Variants in BAZ2B observed in about 807,000 individuals in gnomAD.
BAZ2B encodes bromodomain adjacent to zinc finger domain 2B.
A neutral mutation model predicts 246.0 loss-of-function variants in BAZ2B; 91 were observed. That is an observed-to-expected ratio of 0.37 (90% CI 0.31 to 0.44). BAZ2B has a LOEUF of 0.44. Ranked by LOEUF, BAZ2B falls within the 20% of genes least tolerant of loss-of-function variation. The pLI, the probability that BAZ2B is intolerant of heterozygous loss-of-function variation, is 1.00. For missense variants in BAZ2B, 2,332 were observed against 2,533.7 expected (o/e 0.92, Z 1.71); for synonymous variants, 855 against 860.0 (o/e 0.99, Z 0.10).
intron 3 of BAZ2B, among the ~76,000 whole-genome samples, chr2:159,467,268 A>G (rs2077184553): frequency 6.6e-6 from 1 of 152,200 alleles, no homozygotes; most frequent in African/African-American, 2.4e-5. Flanking sequence ...ATCCAGCTCG[A>G]TATGGCTAGG....
intron 6 of BAZ2B, among the ~76,000 whole-genome samples, chr2:159,443,357 T>C (rs1413300277): frequency 1.3e-5 from 2 of 152,168 alleles, no homozygotes; most frequent in East Asian, 1.9e-4. Context: ...ATGCAGACTA[T>C]ATGAGGGGAC....
chr2:159,453,463 A>T, intron 4 of BAZ2B, 150 bp downstream of exon 4: 1 of 857,688 alleles, frequency 1.2e-6, no homozygotes, highest in African/African-American at 1.7e-5. Context: ...AATTTTTTGC[A>T]CATGATAAAT....
intron 26 of BAZ2B, 79 bp from the exon 27 acceptor site, chr2:159,373,268 T>C: frequency 6.1e-6 from 8 of 1,307,676 alleles, no homozygotes; most frequent in Non-Finnish European, 8.2e-6. Context: ...ACTTTATACT[T>C]ATTGTACCTT....
intron 25 of BAZ2B, among the ~76,000 whole-genome samples, chr2:159,378,010 A>C (rs2061603297): frequency 6.6e-6 from 1 of 152,220 alleles, no homozygotes; most frequent in Non-Finnish European, 1.5e-5. Flanking sequence ...ATACAGGGGA[A>C]TAAACTAAAA....
rs1276036490 is a variant in BAZ2B at position 159,320,094 on chromosome 2, T to C, written c.*171A>G. The C allele has an allele frequency of 3.5e-6, 2 of 568,836 alleles. No homozygotes were observed. The highest frequency in any genetic ancestry group is 5.4e-6 in the Non-Finnish European group (2 of 367,376). The allele number at this position is 568,836 out of a possible 1,614,324, so 35.2% of individuals were successfully genotyped here. Reference sequence around the variant, plus strand: ...CAATAACCGAGGGCCTTGGTTGTTGTAGGAATGAAGCCTTTAAAAATGGTA... The same window carrying C: ...CAATAACCGAGGGCCTTGGTTGTTGCAGGAATGAAGCCTTTAAAAATGGTA... On this transcript the variant is annotated 3_prime_UTR_variant, in exon 37 of 37. Coordinates refer to ENST00000392783, the MANE Select transcript of BAZ2B (RefSeq NM_013450.4).
chr2:159,364,119 T>G (rs1258728862), intron 27 of BAZ2B, among the ~76,000 whole-genome samples: 1 of 152,148 alleles, frequency 6.6e-6, no homozygotes, highest in African/African-American at 2.4e-5. Context: ...CTTTACTCTC[T>G]TCCAAGGGAT....
At chr2:159,520,110 A>C (rs753160600) in intron 2 of BAZ2B, among the ~76,000 whole-genome samples, 1 of 152,194 alleles carries the variant, frequency 6.6e-6, no homozygotes, top group Non-Finnish European at 1.5e-5. Flanking sequence ...TTATACAAGA[A>C]AAAACAAGAT....
intron 4 of BAZ2B, among the ~76,000 whole-genome samples, chr2:159,448,994 A>G (rs558884904): frequency 3.3e-5 from 5 of 152,266 alleles, no homozygotes; most frequent in African/African-American, 1.2e-4. Flanking sequence ...CTCAAAGGAG[A>G]TTTCAAAAAC....
chr2:159,640,400 TC>T, the BAZ2B span, among the ~76,000 whole-genome samples: 1 of 152,080 alleles, frequency 6.6e-6, no homozygotes, highest in South Asian at 2.1e-4. Context: ...GAATATACAT[TC>T]TTCTTCTTGG....
chr2:159,583,112 CT>C (rs11296306), intron 1 of BAZ2B, among the ~76,000 whole-genome samples: 71,392 of 137,404 alleles, frequency 0.52, 17,144 homozygotes, highest in East Asian at 0.7. Context: ...TTTTTCTTTT[CT>C]TTTTTTTTTT....
chr2:159,322,186 T>C (rs1373847109), intron 36 of BAZ2B, among the ~76,000 whole-genome samples: 1 of 152,224 alleles, frequency 6.6e-6, no homozygotes. Context: ...TATTTCTCTA[T>C]GCGTAATGTG....
intron 4 of BAZ2B, among the ~76,000 whole-genome samples, chr2:159,448,956 G>C (rs2074646503): frequency 6.6e-6 from 1 of 152,014 alleles, no homozygotes; most frequent in Non-Finnish European, 1.5e-5. Flanking sequence ...AAAATCAGTA[G>C]GCCTTTTTAT....
At chr2:159,385,552 T>C (rs530078293) in intron 22 of BAZ2B, among the ~76,000 whole-genome samples, 183 bp from the exon 23 acceptor site, 10 of 152,178 alleles carry the variant, frequency 6.6e-5, no homozygotes, top group Admixed American at 2.6e-4. Flanking sequence ...CAAGTATTTG[T>C]TTCTTTCTTT....
chr2:159,409,818 G>T (rs2149873000), intron 14 of BAZ2B, among the ~76,000 whole-genome samples: 1 of 152,208 alleles, frequency 6.6e-6, no homozygotes, highest in Non-Finnish European at 1.5e-5. Context: ...TATACATGTT[G>T]AGAAAGAGTA....
chr2:159,611,666 ATT>A (rs1436411797), intron 1 of BAZ2B, among the ~76,000 whole-genome samples: 1 of 151,976 alleles, frequency 6.6e-6, no homozygotes. Context: ...ATGGCAAATT[ATT>A]TTAAGTGTTA....
At chr2:159,629,025 G>A in the BAZ2B span, among the ~76,000 whole-genome samples, 4 of 152,004 alleles carry the variant, frequency 2.6e-5, no homozygotes, top group Non-Finnish European at 4.4e-5. Context: ...ATGTGAACAG[G>A]CACTTCTCAA....
At chr2:159,688,660 C>T in the BAZ2B span, among the ~76,000 whole-genome samples, 3 of 152,116 alleles carry the variant, frequency 2.0e-5, no homozygotes, top group Non-Finnish European at 2.9e-5. Flanking sequence ...ATGATCCAAT[C>T]GAGGGTCATA....
chr2:159,350,314 T>C lies in BAZ2B; in HGVS notation c.4257A>G (p.Ala1419=), dbSNP rs753961893. The C allele has an allele frequency of 1.9e-6, 3 of 1,576,770 alleles. No homozygotes were observed. The highest frequency in any genetic ancestry group is 4.5e-5 in the East Asian group (2 of 44,616). The change falls in exon 28 of 37, where the codon GCA becomes GCG. Residue 1419 remains alanine, a synonymous_variant. Coordinates refer to ENST00000392783, the MANE Select transcript of BAZ2B (RefSeq NM_013450.4). ...IAKEREKLKK[A]ESVQIKEEMF... Reference sequence around the variant, plus strand: ...TTTCTTCTTTGATCTGGACACTTTCTGCCTTTTTCAGTTTTTCTCTTTCTT... The same window carrying C: ...TTTCTTCTTTGATCTGGACACTTTCCGCCTTTTTCAGTTTTTCTCTTTCTT...
At chr2:159,467,356 T>C (rs1429845682) in intron 3 of BAZ2B, among the ~76,000 whole-genome samples, 1 of 152,200 alleles carries the variant, frequency 6.6e-6, no homozygotes, top group East Asian at 1.9e-4. Flanking sequence ...GAAGCTAGAC[T>C]GAAGGTTTAC....
Sources: gnomAD v4.1 joint callset for allele counts (sites outside exome capture counted in the v4.1 genomes callset) on GRCh38, gnomAD v4.1.1 for gene constraint, MANE v1.5 for transcripts, NCBI Gene and HGNC (gene_info 2026-07-23, HGNC 2026-07-21) for gene names.